Variants in MAT2B observed in about 807,000 individuals in gnomAD.
The protein encoded by MAT2B is methionine adenosyltransferase 2 non-catalytic beta subunit.
In MAT2B, 16 loss-of-function variants were observed where a neutral mutation model predicts 36.1. The observed-to-expected ratio is 0.44, with a 90% CI of 0.30 to 0.67. The LOEUF (loss-of-function observed/expected upper bound fraction) is 0.67. Ranked by LOEUF, MAT2B falls within the 30% of genes least tolerant of loss-of-function variation. MAT2B has a pLI of 0.09. For synonymous variants in MAT2B, 148 were observed against 136.9 expected (o/e 1.08, Z -0.57); for missense variants, 332 against 398.2 (o/e 0.83, Z 1.42).
chr5:163,505,894 C>T (rs1759927700), intron 1 of MAT2B, 145 bp downstream of exon 1: 4 of 549,290 alleles, frequency 7.3e-6, no homozygotes, highest in Non-Finnish European at 5.6e-6. Flanking sequence ...CTCCCAGCCC[C>T]GGATCCGAGG....
intron 4 of MAT2B, among the ~76,000 whole-genome samples, chr5:163,515,770 CTTTT>C (rs66978639): frequency 7.2e-5 from 5 of 69,810 alleles, no homozygotes; most frequent in African/African-American, 2.9e-4. Flanking sequence ...TTGCCTTTTT[CTTTT>C]TTTTTTTTTT....
chr5:163,518,040 C>A lies in MAT2B; in HGVS notation c.835-153C>A, dbSNP rs78945688. 1,186 of 560,714 alleles carry A rather than the reference C, an allele frequency of 2.1e-3. 10 individuals carry two copies. Among genetic ancestry groups the A allele is most frequent in the African/African-American group, 0.02 (1,080 of 52,776 alleles). The allele number at this position is 560,714 out of a possible 1,614,324, so 34.7% of individuals were successfully genotyped here. A position where few individuals can be genotyped will look rare whatever the true frequency, so the allele number is the denominator to read the frequency against. The stretch of plus-strand genomic sequence containing the variant: ...GGCTGACGCAGGAGGATCCCTTGAG[C>A]CCAGGAATTTGAGACTAGCCTGGGC... On this transcript the variant is annotated intron_variant, in intron 6 of 6. Coordinates refer to ENST00000321757, the MANE Select transcript of MAT2B (RefSeq NM_013283.5).
intron 1 of MAT2B, among the ~76,000 whole-genome samples, chr5:163,506,034 GT>G (rs1419409353): frequency 6.6e-6 from 1 of 152,172 alleles, no homozygotes; most frequent in Non-Finnish European, 1.5e-5. Context: ...GGACGAAGAG[GT>G]TTTTCAGAAT....
At chr5:163,516,487 C>T (rs764872008) in intron 4 of MAT2B, 31 bp from the exon 5 acceptor site, 1 of 1,573,062 alleles carries the variant, frequency 6.4e-7, no homozygotes, top group Non-Finnish European at 8.7e-7. Context: ...AATCAGTCAG[C>T]TTTAAATTAT....
intron 3 of MAT2B, 76 bp downstream of exon 3, chr5:163,513,745 G>A: frequency 6.6e-7 from 1 of 1,505,440 alleles, no homozygotes; most frequent in Non-Finnish European, 9.1e-7. Context: ...TTTTGTAGAT[G>A]GTTATTTGTT....
chr5:163,512,307 T>G, intron 2 of MAT2B, 111 bp downstream of exon 2: 1 of 992,784 alleles, frequency 1.0e-6, no homozygotes, highest in East Asian at 2.4e-5. Flanking sequence ...AGCTCTAAAG[T>G]TGTATTATGC....
chr5:163,508,921 C>CG (rs1759992270), intron 1 of MAT2B, among the ~76,000 whole-genome samples: 1 of 152,080 alleles, frequency 6.6e-6, no homozygotes, highest in African/African-American at 2.4e-5. Flanking sequence ...TGTTATAGGC[C>CG]GGGCGTACTG....
upstream of MAT2B, chr5:163,503,401 G>A: frequency 2.5e-6 from 4 of 1,614,018 alleles, no homozygotes; most frequent in Non-Finnish European, 3.4e-6. Context: ...AGTCATGCCT[G>A]AAATGCCAGA....
rs372559847 is a variant in MAT2B, at chr5:163,508,661, A to AG, written c.63+2914dup. 8.6e-4 allele frequency among the ~76,000 whole-genome samples: 130 copies of AG among 150,522 alleles called. 2 individuals are homozygous for AG. The Middle Eastern group carries it at 0.011, about 12-fold the overall frequency. The stretch of plus-strand genomic sequence containing the variant: ...AGATGAAGTCTAGCTCGTGTCCCCC[A>AG]GGCTGGAGTGCAGTTGTGCGATCTC... On this transcript the variant is annotated intron_variant, in intron 1 of 6. Coordinates refer to ENST00000321757, the MANE Select transcript of MAT2B (RefSeq NM_013283.5).
intron 1 of MAT2B, among the ~76,000 whole-genome samples, chr5:163,507,432 C>T (rs1255447131): frequency 6.6e-6 from 1 of 152,030 alleles, no homozygotes; most frequent in East Asian, 1.9e-4. Flanking sequence ...TAAATCTGGT[C>T]CCTTGGAGTG....
upstream of MAT2B, chr5:163,505,459 A>G (rs1185765237): frequency 4.3e-6 from 5 of 1,152,604 alleles, no homozygotes; most frequent in Admixed American, 1.3e-4. Flanking sequence ...CGCTTTAAGC[A>G]TCGGCGCGTG....
intron 1 of MAT2B, among the ~76,000 whole-genome samples, chr5:163,509,258 GGATTGTA>G (rs1759997980): frequency 7.1e-6 from 1 of 141,406 alleles, no homozygotes; most frequent in African/African-American, 3.2e-5. Flanking sequence ...TAACTTTTGT[GGATTGTA>G]TAATGCTTTG....
chr5:163,507,510 T>C (rs977300047), intron 1 of MAT2B, among the ~76,000 whole-genome samples: 2 of 152,212 alleles, frequency 1.3e-5, no homozygotes, highest in Non-Finnish European at 2.9e-5. Context: ...TAAACTGATA[T>C]TAGATCTACT....
chr5:163,509,832 A>G (rs1317400269), intron 1 of MAT2B, among the ~76,000 whole-genome samples: 1 of 152,196 alleles, frequency 6.6e-6, no homozygotes, highest in Non-Finnish European at 1.5e-5. Flanking sequence ...GTTTTCATAG[A>G]TCAGTTGGTT....
In MAT2B at chr5:163,515,770, C is replaced by CTTTTTCTTTTTTTT. The variant is rs1760121173; in HGVS notation, c.527-743_527-742insCTTTTTTTTTTTTT. 1.6e-4 allele frequency among the ~76,000 whole-genome samples: 11 copies of CTTTTTCTTTTTTTT among 69,778 alleles called. 4 individuals carry two copies. Among genetic ancestry groups the CTTTTTCTTTTTTTT allele is most frequent in the African/African-American group, 3.7e-4 (5 of 13,598 alleles). 45.8% of individuals were successfully genotyped at this position (69,778 alleles called of 152,430 possible). On this transcript the variant is annotated intron_variant, in intron 4 of 6. Coordinates refer to ENST00000321757, the MANE Select transcript of MAT2B (RefSeq NM_013283.5). ...TTAACAAATGTGGTTTTGCCTTTTT[C>CTTTTTCTTTTTTTT]TTTTTTTTTTTTTTTTTTTTTTTTT...
intron 4 of MAT2B, among the ~76,000 whole-genome samples, chr5:163,515,827 T>G (rs1760124486): frequency 9.2e-6 from 1 of 108,792 alleles, no homozygotes. Flanking sequence ...TGGGCTGGAG[T>G]GCAGTAGGGT....
chr5:163,506,737 G>C (rs1581211972), intron 1 of MAT2B, among the ~76,000 whole-genome samples: 2 of 152,272 alleles, frequency 1.3e-5, no homozygotes, highest in South Asian at 4.1e-4. Context: ...TGTTACATAC[G>C]TTTACATTTA....
chr5:163,509,931 C>G (rs1760012086), intron 1 of MAT2B, among the ~76,000 whole-genome samples: 1 of 152,044 alleles, frequency 6.6e-6, no homozygotes, highest in South Asian at 2.1e-4. Flanking sequence ...AAAAATAATC[C>G]TAAGAATTTA....
chr5:163,518,172 T>A, intron 6 of MAT2B, 21 bp from the exon 7 acceptor site: 1 of 1,562,344 alleles, frequency 6.4e-7, no homozygotes, highest in African/African-American at 1.4e-5. Context: ...TTGATTTTTT[T>A]GTGTTTATCT....
Sources: allele counts gnomAD v4.1 joint callset (sites outside exome capture counted in the v4.1 genomes callset), GRCh38; gene constraint gnomAD v4.1.1; transcripts MANE v1.5; gene names NCBI Gene and HGNC (gene_info 2026-07-23, HGNC 2026-07-21).